SYN2: variants seen among roughly 807,000 people sequenced by gnomAD.
SYN2 encodes synapsin II.
A neutral mutation model predicts 50.9 loss-of-function variants in SYN2; 19 were observed. That is an observed-to-expected ratio of 0.37 (90% CI 0.26 to 0.55). The LOEUF (loss-of-function observed/expected upper bound fraction) is 0.55, where lower values mean the gene tolerates loss of function less well. Ranked by LOEUF, SYN2 falls within the 20% of genes least tolerant of loss-of-function variation. The pLI, the probability that SYN2 is intolerant of heterozygous loss-of-function variation, is 0.81. For synonymous variants in SYN2, 255 were observed against 224.9 expected (o/e 1.13, Z -1.20); for missense variants, 587 against 576.4 (o/e 1.02, Z -0.19).
intron 1 of SYN2, among the ~76,000 whole-genome samples, chr3:12,065,171 G>C (rs1411034354): frequency 1.3e-5 from 2 of 152,132 alleles, no homozygotes; most frequent in African/African-American, 4.8e-5. Context: ...ACACTATTCA[G>C]AATGGCTATT....
intron 1 of SYN2, among the ~76,000 whole-genome samples, chr3:12,090,814 G>A (rs1008546176): frequency 6.6e-6 from 1 of 152,088 alleles, no homozygotes; most frequent in African/African-American, 2.4e-5. Flanking sequence ...TTCCTCCACA[G>A]TTACCCCAAA....
rs770569633 is a variant in SYN2 at position 12,141,952 on chromosome 3, T to G, written c.483T>G (p.Tyr161Ter). 2 of 780,872 alleles carry G rather than the reference T, an allele frequency of 2.6e-6. No homozygotes were observed. The highest frequency in any genetic ancestry group is 2.4e-6 in the Non-Finnish European group (1 of 417,950). The allele number at this position is 780,872 out of a possible 1,614,324, so 48.4% of individuals were successfully genotyped here. Residue 161 changes from tyrosine to a stop codon, truncating the protein, a stop_gained, in exon 3 of 13, where the codon TAT becomes TAG. Coordinates refer to ENST00000621198, the MANE Select transcript of SYN2 (RefSeq NM_133625.6). LOFTEE classifies it high-confidence loss of function. ...LNLVAHADGT[Y>*]AVDMQVLRNG... Reference sequence around the variant, plus strand: ...TGGTGGCCCATGCAGATGGCACCTATGCTGTGGATATGCAGGTTCTCCGGA... The same window carrying G: ...TGGTGGCCCATGCAGATGGCACCTAGGCTGTGGATATGCAGGTTCTCCGGA...
chr3:12,017,641 A>G (rs1285849246), intron 1 of SYN2, among the ~76,000 whole-genome samples: 3 of 152,226 alleles, frequency 2.0e-5, no homozygotes, highest in African/African-American at 4.8e-5. Flanking sequence ...AAACCTTGAA[A>G]ATGTCTAACA....
chr3:12,011,173 T>A (rs1559384981), intron 1 of SYN2, among the ~76,000 whole-genome samples: 1 of 152,184 alleles, frequency 6.6e-6, no homozygotes, highest in Admixed American at 6.5e-5. Context: ...TTTTGTAAAT[T>A]GAATAATTTC....
intron 1 of SYN2, among the ~76,000 whole-genome samples, chr3:12,117,806 C>T (rs1407752407): frequency 6.6e-6 from 1 of 152,164 alleles, no homozygotes; most frequent in Non-Finnish European, 1.5e-5. Flanking sequence ...CAGCATCTTC[C>T]CCATAGACAG....
At chr3:12,114,865 CT>C (rs1156330626) in intron 1 of SYN2, among the ~76,000 whole-genome samples, 1 of 152,154 alleles carries the variant, frequency 6.6e-6, no homozygotes, top group Non-Finnish European at 1.5e-5. Context: ...TAGCAGTGCA[CT>C]CACCAGGCTC....
At chr3:12,076,016 C>T (rs1203876151) in intron 1 of SYN2, among the ~76,000 whole-genome samples, 1 of 152,022 alleles carries the variant, frequency 6.6e-6, no homozygotes, top group Non-Finnish European at 1.5e-5. Context: ...ATTATTATCA[C>T]CATTTTATAG....
intron 10 of SYN2, among the ~76,000 whole-genome samples, chr3:12,178,182 CGT>C (rs1698131773): frequency 6.6e-6 from 1 of 152,196 alleles, no homozygotes; most frequent in African/African-American, 2.4e-5. Flanking sequence ...AGTTCTGTGG[CGT>C]GTCCGGCAAG....
At position 12,183,726 on chromosome 3, in the gene SYN2, CTT is replaced by C. The variant is rs141800199; in HGVS notation, c.1369+356_1369+357del. ...TGTGCCTCTCCCAAGTCCAGTGTGA[CTT>C]TATCTTCTGGGTGGTTTGATAGTGT... On this transcript the variant is annotated intron_variant, in intron 11 of 12. Coordinates refer to ENST00000621198, the MANE Select transcript of SYN2 (RefSeq NM_133625.6). 4,754 of 1,200,260 alleles carry C rather than the reference CTT, an allele frequency of 4.0e-3. 11 individuals carry two copies. The highest frequency in any genetic ancestry group is 4.7e-3 in the Non-Finnish European group (4,499 of 965,804). 74.4% of individuals were successfully genotyped at this position (1,200,260 alleles called of 1,614,324 possible). A position where few individuals can be genotyped will look rare whatever the true frequency, so the allele number is the denominator to read the frequency against.
chr3:12,163,241 CAAAAA>C (rs11404808), intron 7 of SYN2, among the ~76,000 whole-genome samples: 2 of 122,596 alleles, frequency 1.6e-5, no homozygotes, highest in South Asian at 2.7e-4. Flanking sequence ...GACTCTGTCT[CAAAAA>C]AAAAAAAAAA....
At chr3:12,069,800 GT>G (rs1695304751) in intron 1 of SYN2, among the ~76,000 whole-genome samples, 1 of 148,814 alleles carries the variant, frequency 6.7e-6, no homozygotes, top group Non-Finnish European at 1.5e-5. Context: ...TTGTTTATTT[GT>G]TTTGTTTTGG....
intron 1 of SYN2, among the ~76,000 whole-genome samples, chr3:12,025,797 T>C (rs1694246371): frequency 6.6e-6 from 1 of 152,160 alleles, no homozygotes; most frequent in Admixed American, 6.5e-5. Flanking sequence ...CTGTGCCTTC[T>C]CTGCTGCCTC....
intron 10 of SYN2, among the ~76,000 whole-genome samples, chr3:12,179,374 G>GAAAAAAAAAAAA (rs536283283): frequency 7.6e-5 from 7 of 92,566 alleles, no homozygotes; most frequent in Admixed American, 2.4e-4. Flanking sequence ...AGAACTGAAA[G>GAAAAAAAAAAAA]AAAAAAAAAA....
intron 1 of SYN2, among the ~76,000 whole-genome samples, chr3:12,014,035 A>C (rs1199474139): frequency 6.6e-6 from 1 of 152,162 alleles, no homozygotes; most frequent in African/African-American, 2.4e-5. Context: ...ACTCTTCTCT[A>C]ACTCTCTAGA....
intron 1 of SYN2, among the ~76,000 whole-genome samples, chr3:12,124,945 T>A (rs1383650688): frequency 6.6e-6 from 1 of 152,218 alleles, no homozygotes; most frequent in Non-Finnish European, 1.5e-5. Flanking sequence ...ACAAGTATGT[T>A]ATATTCTTTA....
At chr3:12,062,022 T>G (rs749047397) in intron 1 of SYN2, among the ~76,000 whole-genome samples, 2 of 152,010 alleles carry the variant, frequency 1.3e-5, no homozygotes, top group Non-Finnish European at 2.9e-5. Flanking sequence ...ACAAGTTGAT[T>G]CTGAAGTTTA....
rs1391947492 is a variant in SYN2, at chr3:12,190,488, A to G, written c.1614-2A>G. The G allele has an allele frequency of 1.9e-6, 3 of 1,613,544 alleles. No homozygotes were observed. Among genetic ancestry groups the G allele is most frequent in the Non-Finnish European group, 2.5e-6 (3 of 1,179,760 alleles). The stretch of plus-strand genomic sequence containing the variant: ...ACATTCTCTCTGGTTTTTATCTTCA[A>G]GCAAGTCGCAGTCCCTGACAAATGC... On this transcript the variant is annotated splice_acceptor_variant, in intron 12 of 12. Transcript: ENST00000621198. LOFTEE classifies it high-confidence loss of function.
intron 1 of SYN2, among the ~76,000 whole-genome samples, chr3:12,068,339 C>T (rs921334874): frequency 1.3e-5 from 2 of 152,184 alleles, no homozygotes; most frequent in Non-Finnish European, 2.9e-5. Context: ...CAGTATTGCT[C>T]CTGGGAAGTT....
chr3:12,008,432 A>G (rs184602609), intron 1 of SYN2, among the ~76,000 whole-genome samples: 42 of 152,360 alleles, frequency 2.8e-4, no homozygotes, highest in Non-Finnish European at 5.0e-4. Context: ...AAAAAAATTT[A>G]CTAAAAAGTA....
Sources: allele counts gnomAD v4.1 joint callset (sites outside exome capture counted in the v4.1 genomes callset), GRCh38; gene constraint gnomAD v4.1.1; transcripts MANE v1.5; gene names NCBI Gene and HGNC (gene_info 2026-07-23, HGNC 2026-07-21).